The following SLC9C1 variants were observed in gnomAD, a reference collection of about 807,000 sequenced individuals.
The protein encoded by SLC9C1 is solute carrier family 9 member C1, also known as sodium/hydrogen exchanger 10.
Under a neutral mutation model 140.9 loss-of-function variants are expected in SLC9C1, and 97 were observed. The observed-to-expected ratio is 0.69, with a 90% CI of 0.58 to 0.82. SLC9C1 has a LOEUF of 0.82. Among genes scored for constraint, SLC9C1 ranks in the 40% least tolerant of loss-of-function variants. SLC9C1 has a pLI of 0.00. For missense variants in SLC9C1, 1,340 were observed against 1,389.3 expected, an observed-to-expected ratio of 0.96 and a Z score of 0.56; for synonymous variants, 440 against 442.6, an observed-to-expected ratio of 0.99 and a Z score of 0.07.
chr3:112,287,970 G>A (rs1443773534), intron 1 of SLC9C1, among the ~76,000 whole-genome samples: 3 of 146,940 alleles, frequency 2.0e-5, no homozygotes, highest in Admixed American at 7.0e-5. Context: ...GTGAACCGGG[G>A]AGGCGGAGCT....
At chr3:112,293,845 T>C (rs10934164) in intron 1 of SLC9C1, among the ~76,000 whole-genome samples, 102,314 of 152,006 alleles carry the variant, frequency 0.67, 34,955 homozygotes, top group East Asian at 1. Flanking sequence ...AAAGAGTTGA[T>C]GTAAAAAGCA....
At chr3:112,181,671 T>C (rs1044457459) in intron 21 of SLC9C1, among the ~76,000 whole-genome samples, 3 of 152,170 alleles carry the variant, frequency 2.0e-5, no homozygotes, top group Non-Finnish European at 2.9e-5. Context: ...ATTGGTCCTC[T>C]GAAAACAATA....
At chr3:112,235,960 G>T (rs572059570) in intron 12 of SLC9C1, among the ~76,000 whole-genome samples, 1 of 152,274 alleles carries the variant, frequency 6.6e-6, no homozygotes, top group South Asian at 2.1e-4. Flanking sequence ...CCAGGCTTTG[G>T]TATCAGGATG....
chr3:112,209,912 C>T (rs1182574575), intron 15 of SLC9C1, among the ~76,000 whole-genome samples: 7 of 152,094 alleles, frequency 4.6e-5, no homozygotes, highest in African/African-American at 1.7e-4. Flanking sequence ...CTACCCAAAG[C>T]AATCTACAGA....
Position 112,264,244 on chromosome 3 carries a change from A to C in SLC9C1, c.978T>G (p.Asp326Glu), listed in dbSNP as rs746570207. The change falls in exon 9 of 29, where the codon GAT becomes GAG. Residue 326 changes from aspartate (D) to glutamate (E), a missense_variant. Coordinates refer to ENST00000305815, the MANE Select transcript of SLC9C1 (RefSeq NM_183061.3). ...AHTYLYIEFV[D>E]IYYSLNIYLT... ...AGTAGATATTTAATGAATAGTATATATCAACAAATTCTATATACAAATATG... is the reference window on the plus strand; with the variant it reads ...AGTAGATATTTAATGAATAGTATATCTCAACAAATTCTATATACAAATATG... The C allele has an allele frequency of 2.9e-6, 4 of 1,363,580 alleles. No individual in the cohort carries two copies. Among genetic ancestry groups the C allele is most frequent in the Middle Eastern group, 1.9e-4 (1 of 5,370 alleles). The allele number at this position is 1,363,580 out of a possible 1,614,324, so 84.5% of individuals were successfully genotyped here.
intron 23 of SLC9C1, among the ~76,000 whole-genome samples, chr3:112,177,005 CTTTTT>C (rs57879370): frequency 9.5e-6 from 1 of 104,716 alleles, no homozygotes; most frequent in African/African-American, 3.7e-5. Context: ...CTCTCTCTCT[CTTTTT>C]TTTTTTTTTT....
intron 10 of SLC9C1, among the ~76,000 whole-genome samples, chr3:112,255,785 G>C (rs1333225006): frequency 6.6e-6 from 1 of 151,918 alleles, no homozygotes; most frequent in Admixed American, 6.6e-5. Flanking sequence ...AAGATCAATG[G>C]ATGCGGTGGT....
In SLC9C1 at chr3:112,141,214, C is replaced by A; in HGVS notation, c.*58G>T. The A allele has an allele frequency of 6.7e-7, 1 of 1,494,370 alleles. No individual in the cohort carries two copies. The highest frequency in any genetic ancestry group is 8.9e-7 in the Non-Finnish European group (1 of 1,118,372). 92.6% of individuals were successfully genotyped at this position (1,494,370 alleles called of 1,614,324 possible). ...CTTGATGTAGGGAAGTGTGTTTCTG[C>A]AGCAGGAGGCCTCTCATAGCCACAG... On this transcript the variant is annotated 3_prime_UTR_variant, in exon 29 of 29. Coordinates refer to ENST00000305815, the MANE Select transcript of SLC9C1 (RefSeq NM_183061.3).
intron 13 of SLC9C1, among the ~76,000 whole-genome samples, chr3:112,230,123 C>A (rs533932113): frequency 6.6e-6 from 1 of 152,276 alleles, no homozygotes; most frequent in South Asian, 2.1e-4. Flanking sequence ...ACTAGCCCTA[C>A]TTCATTGTTT....
intron 6 of SLC9C1, among the ~76,000 whole-genome samples, chr3:112,270,364 T>G (rs2080037992): frequency 6.6e-6 from 1 of 152,232 alleles, no homozygotes; most frequent in Non-Finnish European, 1.5e-5. Flanking sequence ...CCACCAACAG[T>G]GTACAAGAGT....
In SLC9C1 at chr3:112,208,310, G is replaced by T. The variant is rs1484372413; in HGVS notation, c.1854C>A (p.Tyr618Ter). The T allele has an allele frequency of 6.2e-7, 1 of 1,607,312 alleles. No individual in the cohort carries two copies. The highest frequency in any genetic ancestry group is 8.5e-7 in the Non-Finnish European group (1 of 1,176,062). ...VFTEEFEHVGYLVILMNIFPF... is the reference protein window; with the variant it reads ...VFTEEFEHVG ...GAAATATATTCATTAATATCACAAGGTATCCAACATGTTCAAATTCCTCAG... is the reference window on the plus strand; with the variant it reads ...GAAATATATTCATTAATATCACAAGTTATCCAACATGTTCAAATTCCTCAG... Residue 618 changes from tyrosine to a stop codon, truncating the protein, a stop_gained, in exon 16 of 29, where the codon TAC becomes TAA. Transcript: ENST00000305815. LOFTEE classifies it high-confidence loss of function.
chr3:112,293,346 A>T (rs1469075952), intron 1 of SLC9C1, among the ~76,000 whole-genome samples: 1 of 152,054 alleles, frequency 6.6e-6, no homozygotes, highest in East Asian at 1.9e-4. Flanking sequence ...GGAGGAAATT[A>T]ATGACTGCCC....
chr3:112,153,583 G>T (rs2075045154), intron 27 of SLC9C1, among the ~76,000 whole-genome samples: 1 of 152,206 alleles, frequency 6.6e-6, no homozygotes, highest in Admixed American at 6.5e-5. Context: ...CCTGTATTAA[G>T]AAAGGGTGAG....
At chr3:112,241,016 C>T (rs7611033) in intron 11 of SLC9C1, among the ~76,000 whole-genome samples, 88,813 of 150,552 alleles carry the variant, frequency 0.59, 26,715 homozygotes, top group East Asian at 0.79. Context: ...GGATGGTTAA[C>T]AGGCACAAAA....
At chr3:112,192,131 C>T (rs2077675991) in intron 20 of SLC9C1, among the ~76,000 whole-genome samples, 2 of 151,600 alleles carry the variant, frequency 1.3e-5, no homozygotes, top group African/African-American at 4.8e-5. Context: ...TTTTAAATGG[C>T]TAAGGCTCCC....
At chr3:112,179,842 T>G (rs1470462105) in intron 22 of SLC9C1, 141 bp from the exon 23 acceptor site, 1 of 664,712 alleles carries the variant, frequency 1.5e-6, no homozygotes, top group Non-Finnish European at 2.3e-6. Flanking sequence ...TATTTCTTTT[T>G]AAGTAAAATT....
At chr3:112,244,199 G>T (rs6438057) in intron 10 of SLC9C1, 123 bp from the exon 11 acceptor site, 136,855 of 486,898 alleles carry the variant, frequency 0.28, 19,682 homozygotes, top group Admixed American at 0.35. Flanking sequence ...TGTGTTAATA[G>T]ATGCTCATGG....
intron 6 of SLC9C1, among the ~76,000 whole-genome samples, chr3:112,271,948 A>G (rs1230213417): frequency 6.6e-6 from 1 of 152,176 alleles, no homozygotes; most frequent in Non-Finnish European, 1.5e-5. Flanking sequence ...CAAAAGTAAA[A>G]TTCATGCACC....
chr3:112,171,301 G>A (rs1261454379), intron 23 of SLC9C1, among the ~76,000 whole-genome samples: 1 of 152,086 alleles, frequency 6.6e-6, no homozygotes, highest in Non-Finnish European at 1.5e-5. Context: ...TTATTTTTAG[G>A]CAATGTAGTA....
Sources: allele counts gnomAD v4.1 joint callset (sites outside exome capture counted in the v4.1 genomes callset), GRCh38; gene constraint gnomAD v4.1.1; transcripts MANE v1.5; gene names NCBI Gene and HGNC (gene_info 2026-07-23, HGNC 2026-07-21).